The following PTPN4 variants were observed in gnomAD, a reference collection of about 807,000 sequenced individuals.
PTPN4 encodes the protein protein tyrosine phosphatase non-receptor type 4.
A neutral mutation model predicts 135.5 loss-of-function variants in PTPN4; 49 were observed. The observed-to-expected ratio is 0.36, with a 90% CI of 0.29 to 0.46. PTPN4 has a LOEUF of 0.46. Among genes scored for constraint, PTPN4 ranks in the 20% least tolerant of loss-of-function variants. The pLI is 1.00. For synonymous variants in PTPN4, 333 were observed against 369.9 expected (o/e 0.90, Z 1.14); for missense variants, 860 against 1,101.0 (o/e 0.78, Z 3.10).
intron 13 of PTPN4, among the ~76,000 whole-genome samples, chr2:119,928,542 C>T (rs1678856747): frequency 1.3e-5 from 2 of 151,940 alleles, no homozygotes; most frequent in African/African-American, 4.8e-5. Flanking sequence ...GGGGGTTGGA[C>T]CAAACGGTGT....
chr2:119,852,327 A>G (rs1255392305), intron 2 of PTPN4, among the ~76,000 whole-genome samples: 2 of 152,258 alleles, frequency 1.3e-5, no homozygotes, highest in Non-Finnish European at 2.9e-5. Context: ...GGAAGGACAC[A>G]GAAACAGGAG....
rs1405086689 is a variant in PTPN4 at position 119,982,755 on chromosome 2, C to T, written c.*5685C>T. 1 of 152,184 alleles carries T rather than the reference C, an allele frequency of 6.6e-6. No homozygotes were observed. Among genetic ancestry groups the T allele is most frequent in the African/African-American group, 2.4e-5 (1 of 41,434 alleles). 9.4% of individuals were successfully genotyped at this position (152,184 alleles called of 1,614,324 possible). ...GTGTGACTTTTGTGAAGCCAGAAAA[C>T]TGTGCCTAAGATTCATTACAGTGAG... On this transcript the variant is annotated 3_prime_UTR_variant, in exon 27 of 27. Transcript: ENST00000263708.
At chr2:119,770,755 T>A (rs1249924656) in intron 1 of PTPN4, among the ~76,000 whole-genome samples, 1 of 152,230 alleles carries the variant, frequency 6.6e-6, no homozygotes, top group African/African-American at 2.4e-5. Context: ...ATTTAAACTT[T>A]AAGTTTTAGA....
intron 1 of PTPN4, among the ~76,000 whole-genome samples, chr2:119,785,028 A>T (rs1205510059): frequency 6.6e-6 from 1 of 152,086 alleles, no homozygotes; most frequent in Non-Finnish European, 1.5e-5. Flanking sequence ...GAGTTTCTCA[A>T]CTTTAGCACT....
chr2:119,932,556 G>A lies in PTPN4; in HGVS notation c.1196+7G>A. 2.5e-6 allele frequency: 4 copies of A among 1,591,954 alleles called. No homozygotes were observed. Among genetic ancestry groups the A allele is most frequent in the Non-Finnish European group, 3.4e-6 (4 of 1,170,230 alleles). On this transcript the variant is annotated splice_region_variant and intron_variant, in intron 14 of 26. Coordinates refer to ENST00000263708, the MANE Select transcript of PTPN4 (RefSeq NM_002830.4). ...CACCGGGAACTCCTAATCAGTAAGTGTGAATTTTGTGACCAACATCAGGTG... is the reference window on the plus strand; with the variant it reads ...CACCGGGAACTCCTAATCAGTAAGTATGAATTTTGTGACCAACATCAGGTG...
chr2:119,968,127 C>A (rs529702610), intron 26 of PTPN4, among the ~76,000 whole-genome samples, 155 bp downstream of exon 26: 1 of 152,202 alleles, frequency 6.6e-6, no homozygotes, highest in South Asian at 2.1e-4. Flanking sequence ...AACTACTGCC[C>A]ACTAGTCAAA....
intron 9 of PTPN4, among the ~76,000 whole-genome samples, chr2:119,889,763 A>T (rs1393138837): frequency 6.6e-6 from 1 of 152,116 alleles, no homozygotes; most frequent in African/African-American, 2.4e-5. Context: ...ATTGCTGTAA[A>T]CATTCCTCTT....
intron 1 of PTPN4, among the ~76,000 whole-genome samples, chr2:119,798,625 A>G (rs1265321996): frequency 6.6e-6 from 1 of 152,260 alleles, no homozygotes; most frequent in Non-Finnish European, 1.5e-5. Flanking sequence ...TGTATTGTGA[A>G]ATGAAAAGTA....
chr2:119,778,496 ATACT>A (rs1690879076), intron 1 of PTPN4, among the ~76,000 whole-genome samples: 1 of 152,226 alleles, frequency 6.6e-6, no homozygotes, highest in Non-Finnish European at 1.5e-5. Flanking sequence ...AGCTATTCAC[ATACT>A]TACGTGAATA....
At chr2:119,786,900 G>A (rs1291545655) in intron 1 of PTPN4, among the ~76,000 whole-genome samples, 1 of 152,154 alleles carries the variant, frequency 6.6e-6, no homozygotes, top group African/African-American at 2.4e-5. Context: ...CAACCTGAGA[G>A]GCACCACTGA....
At chr2:119,868,519 C>G (rs978673405) in intron 3 of PTPN4, among the ~76,000 whole-genome samples, 1 of 152,192 alleles carries the variant, frequency 6.6e-6, no homozygotes, top group Non-Finnish European at 1.5e-5. Context: ...AACAAAATCT[C>G]TGCAGCACTG....
At chr2:119,902,256 G>A (rs1044878251) in intron 10 of PTPN4, among the ~76,000 whole-genome samples, 1 of 152,170 alleles carries the variant, frequency 6.6e-6, no homozygotes, top group African/African-American at 2.4e-5. Context: ...TAAGCAAGAA[G>A]AAACTGGAGT....
At chr2:119,879,890 A>T (rs1295741064) in intron 5 of PTPN4, among the ~76,000 whole-genome samples, 1 of 152,054 alleles carries the variant, frequency 6.6e-6, no homozygotes, top group Non-Finnish European at 1.5e-5. Flanking sequence ...ATGAAAGTTG[A>T]CTCTGTTTGG....
Position 119,955,165 on chromosome 2 carries a change from G to A in PTPN4, c.1822G>A (p.Asp608Asn), listed in dbSNP as rs750591561. The change falls in exon 20 of 27, where the codon GAT becomes AAT. Residue 608 changes from aspartate (D) to asparagine (N), a missense_variant. By Grantham distance (23) the Asp-to-Asn change is conservative (BLOSUM62 1). Around this residue, in one of 2 missense-constraint regions of PTPN4, gnomAD observed 684 missense variants for 807.0 expected, o/e 0.85. Coordinates refer to ENST00000263708, the MANE Select transcript of PTPN4 (RefSeq NM_002830.4). ...MLLVRPNAVY[D>N]VVEEKLENEP... ...TGATTTTTTTTTTTTAGCTGTATATGATGTAGTGGAAGAAAAGCTAGAAAA... is the reference window on the plus strand; with the variant it reads ...TGATTTTTTTTTTTTAGCTGTATATAATGTAGTGGAAGAAAAGCTAGAAAA... 7 of 1,603,084 alleles carry A rather than the reference G, an allele frequency of 4.4e-6. No homozygotes were observed. The highest frequency in any genetic ancestry group is 1.7e-5 in the Admixed American group (1 of 57,950).
chr2:119,958,324 C>T (rs544330960), intron 22 of PTPN4, among the ~76,000 whole-genome samples: 86 of 102,642 alleles, frequency 8.4e-4, no homozygotes, highest in Middle Eastern at 9.3e-3. Flanking sequence ...GAACAAGACC[C>T]GTCTAAAAAA....
chr2:119,903,109 C>T (rs1223822433), intron 10 of PTPN4, among the ~76,000 whole-genome samples: 2 of 152,126 alleles, frequency 1.3e-5, no homozygotes, highest in African/African-American at 4.8e-5. Flanking sequence ...GTGTCCTTCA[C>T]CCTGGGGAAT....
intron 1 of PTPN4, among the ~76,000 whole-genome samples, chr2:119,761,816 C>T (rs1278278990): frequency 6.6e-6 from 1 of 152,158 alleles, no homozygotes; most frequent in East Asian, 1.9e-4. Context: ...GGAGGCACCA[C>T]TATTTTGTAG....
intron 2 of PTPN4, among the ~76,000 whole-genome samples, chr2:119,819,014 G>A (rs1361819881): frequency 6.6e-6 from 1 of 152,122 alleles, no homozygotes; most frequent in Non-Finnish European, 1.5e-5. Flanking sequence ...AGGACCAAAG[G>A]GCAATTTCAT....
At chr2:119,898,046 G>A (rs1388502612) in intron 9 of PTPN4, among the ~76,000 whole-genome samples, 3 of 152,204 alleles carry the variant, frequency 2.0e-5, no homozygotes, top group African/African-American at 7.2e-5. Flanking sequence ...GCATGTTAGT[G>A]TGTTTTGCAA....
Sources: allele counts gnomAD v4.1 joint callset (sites outside exome capture counted in the v4.1 genomes callset), GRCh38; gene constraint gnomAD v4.1.1; regional missense constraint gnomAD v4.1.1; transcripts MANE v1.5; gene names NCBI Gene and HGNC (gene_info 2026-07-23, HGNC 2026-07-21).